Variants in KIF1A observed in about 807,000 individuals in gnomAD.
KIF1A encodes the protein kinesin family member 1A, also known as kinesin-like protein KIF1A.
A neutral mutation model predicts 227.3 loss-of-function variants in KIF1A; 46 were observed. The observed-to-expected ratio is 0.20, with a 90% confidence interval of 0.16 to 0.26. The LOEUF (loss-of-function observed/expected upper bound fraction) is 0.26, where lower values mean the gene tolerates loss of function less well. KIF1A is among the 10% of genes least tolerant of loss of function. The probability of loss-of-function intolerance (pLI) is 1.00; values close to 1 mark genes in which losing one functional copy is unlikely to be tolerated. For synonymous variants in KIF1A, 1,022 were observed against 1,012.8 expected, an observed-to-expected ratio of 1.01 and a Z score of -0.17; for missense variants, 1,683 against 2,485.9, an observed-to-expected ratio of 0.68 and a Z score of 6.87.
At chr2:240,783,225 G>C in intron 8 of KIF1A, 116 bp from the exon 9 acceptor site, 1 of 832,912 alleles carries the variant, frequency 1.2e-6, no homozygotes, top group Non-Finnish European at 2.1e-6. Context: ...CACTGCAGCT[G>C]CTGATCTCTG....
At position 240,783,064 on chromosome 2, in the gene KIF1A, T is replaced by C. The variant is rs2054277083; in HGVS notation, c.844A>G (p.Ile282Val). ...CTCACCATTTCAGCCAGGGCGGAGATGACCTTGCCCAGGGTGGTCAGCGAC... is the reference window on the plus strand; with the variant it reads ...CTCACCATTTCAGCCAGGGCGGAGACGACCTTGCCCAGGGTGGTCAGCGAC... ...NKSLTTLGKVISALAEMDSGP... is the reference protein window; with the variant it reads ...NKSLTTLGKVVSALAEMDSGP... The change falls in exon 9 of 49, where the codon ATC (isoleucine) becomes GTC (valine). Residue 282 changes from isoleucine (I) to valine (V), a missense_variant. Transcript: ENST00000498729. 1 of 1,613,560 alleles carries C rather than the reference T, an allele frequency of 6.2e-7. No individual in the cohort carries two copies. The highest frequency in any genetic ancestry group is 1.3e-5 in the African/African-American group (1 of 74,916).
At position 240,765,858 on chromosome 2, in the gene KIF1A, C is replaced by T. The variant is rs1575593768; in HGVS notation, c.1685-65G>A. On this transcript the variant is annotated intron_variant, in intron 19 of 48. Transcript: ENST00000498729. ...GGGGCTGTCACCTACAGCAGCTCGGCTTACCTGGCCCCCGGGCATGGCCTC... is the reference window on the plus strand; with the variant it reads ...GGGGCTGTCACCTACAGCAGCTCGGTTTACCTGGCCCCCGGGCATGGCCTC... 9 of 1,200,528 alleles carry T rather than the reference C, an allele frequency of 7.5e-6. No homozygotes were observed. The East Asian group carries it at 2.1e-4, about 28-fold the overall frequency. The allele number at this position is 1,200,528 out of a possible 1,614,324, so 74.4% of individuals were successfully genotyped here. A position where few individuals can be genotyped will look rare whatever the true frequency, so the allele number is the denominator to read the frequency against.
At chr2:240,746,260 A>T (rs1025016054) in intron 29 of KIF1A, 83 bp from the exon 30 acceptor site, 34 of 1,487,134 alleles carry the variant, frequency 2.3e-5, no homozygotes, top group Non-Finnish European at 2.9e-5. Context: ...GGCCCACGGG[A>T]GGGCTGTGCC....
chr2:240,725,883 T>G lies in KIF1A; in HGVS notation c.4123-479A>C. 1 of 158,090 alleles carries G rather than the reference T, an allele frequency of 6.3e-6. No homozygotes were observed. The highest frequency in any genetic ancestry group is 2.4e-5 in the African/African-American group (1 of 41,634). The allele number at this position is 158,090 out of a possible 1,614,324, so 9.8% of individuals were successfully genotyped here. A position where few individuals can be genotyped will look rare whatever the true frequency, so the allele number is the denominator to read the frequency against. Reference sequence around the variant, plus strand: ...CTTCCTGAAGTGGGGGCAGCTGCTGTGCATGGCTGAAGAGTCCCAAGCACT... The same window carrying G: ...CTTCCTGAAGTGGGGGCAGCTGCTGGGCATGGCTGAAGAGTCCCAAGCACT... On this transcript the variant is annotated intron_variant, in intron 39 of 48. Coordinates refer to ENST00000498729, the MANE Select transcript of KIF1A (RefSeq NM_001244008.2). The surrounding 1 kb of genome is among the most constrained non-coding windows in gnomAD (Gnocchi z 5.8).
chr2:240,777,700 C>CCCG (rs1462265216), intron 10 of KIF1A, among the ~76,000 whole-genome samples: 3 of 152,220 alleles, frequency 2.0e-5, no homozygotes, highest in Admixed American at 6.5e-5. Context: ...CCGCTGAACA[C>CCCG]CCGCCCGCTG....
At chr2:240,734,478 G>A (rs2047098499) in intron 38 of KIF1A, among the ~76,000 whole-genome samples, 1 of 152,160 alleles carries the variant, frequency 6.6e-6, no homozygotes, top group Admixed American at 6.5e-5. Context: ...CAGGAGTGGG[G>A]GAAGAAGGGA....
At chr2:240,787,147 G>T in intron 5 of KIF1A, 104 bp downstream of exon 5, 2 of 922,028 alleles carry the variant, frequency 2.2e-6, no homozygotes, top group Non-Finnish European at 3.5e-6. Context: ...CAAGCTGGGC[G>T]TGCAGACCCG....
chr2:240,746,609 G>A (rs1163537774), intron 29 of KIF1A, among the ~76,000 whole-genome samples: 3 of 152,332 alleles, frequency 2.0e-5, no homozygotes, highest in South Asian at 4.2e-4. Flanking sequence ...AGGGAGTAGG[G>A]CACCCAGGTT....
rs1457334989 is a variant in KIF1A at position 240,722,500 on chromosome 2, G to C, written c.4621C>G (p.Pro1541Ala). 1 of 1,547,886 alleles carries C rather than the reference G, an allele frequency of 6.5e-7. No individual in the cohort carries two copies. The highest frequency in any genetic ancestry group is 8.7e-7 in the Non-Finnish European group (1 of 1,146,838). Reference sequence around the variant, plus strand: ...TGCCTCTCGTTGGGAGCCTCCAGGGGTGATGGGCGGCCCTCAGCCGAGAGC... The same window carrying C: ...TGCCTCTCGTTGGGAGCCTCCAGGGCTGATGGGCGGCCCTCAGCCGAGAGC... ...SPLSAEGRPS[P>A]LEAPNERQRE... The change falls in exon 43 of 49, where the codon CCC (proline) becomes GCC (alanine). Residue 1541 changes from proline (P) to alanine (A), a missense_variant. By Grantham distance (27) the Pro-to-Ala change is conservative. This residue lies in a region of KIF1A where 384 missense variants were observed against 410.1 expected (regional missense o/e 0.94). Transcript: ENST00000498729.
chr2:240,802,773 G>A (rs572727372), intron 1 of KIF1A, among the ~76,000 whole-genome samples: 1 of 152,208 alleles, frequency 6.6e-6, no homozygotes, highest in Admixed American at 6.5e-5. Context: ...CTGGGACTAT[G>A]GGCATATGTC....
rs764839363 is a variant in KIF1A at position 240,775,828 on chromosome 2, C to A, written c.958+23G>T. On this transcript the variant is annotated intron_variant, in intron 11 of 48. Coordinates refer to ENST00000498729, the MANE Select transcript of KIF1A (RefSeq NM_001244008.2). The surrounding 1 kb of genome is among the most constrained non-coding windows in gnomAD (Gnocchi z 5.5). ...CAGGGTGGGATCAGAGCCCTGGGGA[C>A]AGGCAAACCCACAAGTTCTCACCCA... is the stretch of plus-strand genomic sequence containing the variant. 4.2e-5 allele frequency: 65 copies of A among 1,537,718 alleles called. No homozygotes were observed. In the African/African-American group the frequency reaches 8.7e-4, roughly 21 times the overall value.
intron 38 of KIF1A, among the ~76,000 whole-genome samples, chr2:240,729,166 C>T (rs1236545158): frequency 2.0e-5 from 3 of 152,188 alleles, no homozygotes; most frequent in Non-Finnish European, 4.4e-5. Flanking sequence ...CTTCTATGCA[C>T]TGGGTAAGAC....
rs772100288 is a variant in KIF1A, at chr2:240,720,948, G to A, written c.4834C>T (p.Leu1612=). ...TLTPSSTCPS[L]VEGRYGATDL... ...GTGGCACCGTACCGCCCTTCAACCA[G>A]AGAGGGGCAAGTGGAGGAGGGGGTG... The change falls in exon 45 of 49, where the codon CTG becomes TTG. Residue 1612 remains leucine, a synonymous_variant. Transcript: ENST00000498729. 24 of 1,595,530 alleles carry A rather than the reference G, an allele frequency of 1.5e-5. No individual in the cohort carries two copies. The highest frequency in any genetic ancestry group is 1.8e-5 in the Non-Finnish European group (21 of 1,171,592).
intron 18 of KIF1A, 50 bp downstream of exon 18, chr2:240,767,216 C>A: frequency 6.6e-7 from 1 of 1,504,344 alleles, no homozygotes; most frequent in African/African-American, 1.4e-5. Flanking sequence ...CTTCCCCTGC[C>A]AGATCCCAGG....
At chr2:240,769,338 C>G in intron 16 of KIF1A, 130 bp from the exon 17 acceptor site, 1 of 751,636 alleles carries the variant, frequency 1.3e-6, no homozygotes, top group Non-Finnish European at 2.2e-6. Context: ...CGTGTCCCAT[C>G]TGGTCACTGG....
intron 6 of KIF1A, 50 bp downstream of exon 6, chr2:240,786,285 G>T: frequency 1.3e-6 from 2 of 1,563,612 alleles, no homozygotes; most frequent in Non-Finnish European, 1.8e-6. Context: ...CCTCCGGGGA[G>T]AGGCGGCAGG....
intron 33 of KIF1A, among the ~76,000 whole-genome samples, chr2:240,743,457 C>T (rs1468165596): frequency 1.3e-5 from 2 of 152,200 alleles, no homozygotes; most frequent in Non-Finnish European, 2.9e-5. Flanking sequence ...CTTCAAGGGT[C>T]TGGGTGAGAT....
At position 240,740,011 on chromosome 2, in the gene KIF1A, C is replaced by T; in HGVS notation, c.3901+47G>A. The T allele has an allele frequency of 6.8e-7, 1 of 1,468,504 alleles. No homozygotes were observed. The highest frequency in any genetic ancestry group is 1.8e-4 in the Middle Eastern group (1 of 5,652). 91.0% of individuals were successfully genotyped at this position (1,468,504 alleles called of 1,614,324 possible). On this transcript the variant is annotated intron_variant, in intron 37 of 48. Coordinates refer to ENST00000498729, the MANE Select transcript of KIF1A (RefSeq NM_001244008.2). The surrounding 1 kb of genome is among the most constrained non-coding windows in gnomAD (Gnocchi z 6.1). Reference sequence around the variant, plus strand: ...TCCAGCTCAGGGCCTGTACTCTTCCCACCAGCTCAGCCCCACCCACCAAGG... The same window carrying T: ...TCCAGCTCAGGGCCTGTACTCTTCCTACCAGCTCAGCCCCACCCACCAAGG...
chr2:240,756,489 T>G (rs1301768022), intron 27 of KIF1A, among the ~76,000 whole-genome samples: 1 of 152,190 alleles, frequency 6.6e-6, no homozygotes, highest in Non-Finnish European at 1.5e-5. Flanking sequence ...CAGCCTCCAT[T>G]CTGTCTCCCA....
Sources: gnomAD v4.1 joint callset for allele counts (sites outside exome capture counted in the v4.1 genomes callset) on GRCh38, gnomAD v4.1.1 for gene constraint, gnomAD v4.1.1 regional missense constraint, Gnocchi (gnomAD v3.1) non-coding constraint, MANE v1.5 for transcripts, NCBI Gene and HGNC (gene_info 2026-07-23, HGNC 2026-07-21) for gene names.